UGGT2: variants seen among roughly 807,000 people sequenced by gnomAD.
UGGT2 encodes UDP-glucose:glycoprotein glucosyltransferase 2.
In UGGT2, 180 loss-of-function variants were observed where a neutral mutation model predicts 192.1. That is an observed-to-expected ratio of 0.94 (90% CI 0.83 to 1.06). The LOEUF is 1.06. UGGT2 is among the 50% of genes least tolerant of loss of function. The pLI, the probability that UGGT2 is intolerant of heterozygous loss-of-function variation, is 0.00. For missense variants in UGGT2, 1,849 were observed against 1,795.7 expected (o/e 1.03, Z -0.54); for synonymous variants, 580 against 591.0 (o/e 0.98, Z 0.27).
rs1043781589 is a variant in UGGT2 at position 95,989,890 on chromosome 13, A to G, written c.931+83T>C. ...ATTAATACTGTCCATAAAATAATCT[A>G]TATCATGTGATATATAAAAGCTTAT... is the stretch of plus-strand genomic sequence containing the variant. On this transcript the variant is annotated intron_variant, in intron 8 of 38. Transcript: ENST00000376747. 16 of 842,824 alleles carry G rather than the reference A, an allele frequency of 1.9e-5. No individual in the cohort carries two copies. The East Asian group carries it at 2.1e-4, about 11-fold the overall frequency. The allele number at this position is 842,824 out of a possible 1,614,324, so 52.2% of individuals were successfully genotyped here.
chr13:95,939,870 T>G (rs2049604808), intron 16 of UGGT2, 87 bp downstream of exon 16: 2 of 1,167,594 alleles, frequency 1.7e-6, no homozygotes. Context: ...GTCTGACTTT[T>G]TTTAAAGATT....
At chr13:95,907,386 C>T (rs1364044209) in intron 20 of UGGT2, among the ~76,000 whole-genome samples, 1 of 152,204 alleles carries the variant, frequency 6.6e-6, no homozygotes, top group East Asian at 1.9e-4. Flanking sequence ...CCTTGTCTGA[C>T]AGCTCTGAAG....
At chr13:96,024,789 A>C (rs1008494496) in intron 2 of UGGT2, among the ~76,000 whole-genome samples, 1 of 152,242 alleles carries the variant, frequency 6.6e-6, no homozygotes. Context: ...TGTGAAAGGG[A>C]TAACAAGAAG....
intron 36 of UGGT2, among the ~76,000 whole-genome samples, chr13:95,843,096 G>T (rs1334491634): frequency 6.6e-6 from 1 of 152,192 alleles, no homozygotes; most frequent in African/African-American, 2.4e-5. Context: ...ACAAGCATTT[G>T]TGTGGCCAGG....
intron 20 of UGGT2, among the ~76,000 whole-genome samples, chr13:95,916,792 GA>G (rs2048694631): frequency 6.6e-6 from 1 of 151,834 alleles, no homozygotes; most frequent in Non-Finnish European, 1.5e-5. Flanking sequence ...CCAAGCAGAG[GA>G]AAAAATTTCA....
chr13:96,014,709 G>A (rs576318665), intron 4 of UGGT2, among the ~76,000 whole-genome samples: 3 of 152,084 alleles, frequency 2.0e-5, no homozygotes. Flanking sequence ...TTCATGAGAG[G>A]CTATTAATAA....
intron 5 of UGGT2, among the ~76,000 whole-genome samples, chr13:96,009,962 A>G (rs765229908): frequency 6.6e-6 from 1 of 152,218 alleles, no homozygotes; most frequent in Non-Finnish European, 1.5e-5. Flanking sequence ...TGTATCAGTC[A>G]GAATGGCTAC....
At chr13:95,973,412 T>A (rs1315770785) in intron 10 of UGGT2, among the ~76,000 whole-genome samples, 1 of 152,182 alleles carries the variant, frequency 6.6e-6, no homozygotes, top group Non-Finnish European at 1.5e-5. Flanking sequence ...TCATATAGTG[T>A]GTGTATGTGT....
At chr13:95,893,642 C>T (rs1390591048) in intron 24 of UGGT2, among the ~76,000 whole-genome samples, 1 of 152,052 alleles carries the variant, frequency 6.6e-6, no homozygotes, top group East Asian at 1.9e-4. Context: ...TTATTATCTC[C>T]CTTGATAGGA....
chr13:95,832,521 A>T (rs1886820298), intron 38 of UGGT2, among the ~76,000 whole-genome samples: 1 of 152,090 alleles, frequency 6.6e-6, no homozygotes, highest in African/African-American at 2.4e-5. Flanking sequence ...TATATATGAG[A>T]TTAATTTTGG....
intron 27 of UGGT2, among the ~76,000 whole-genome samples, chr13:95,884,248 T>C (rs768374963): frequency 4.6e-5 from 7 of 151,854 alleles, no homozygotes; most frequent in Non-Finnish European, 1.0e-4. Flanking sequence ...GCTAGTAGTC[T>C]CAGGCAAAAA....
At chr13:96,044,120 A>G (rs887724078) in intron 1 of UGGT2, among the ~76,000 whole-genome samples, 28 of 152,218 alleles carry the variant, frequency 1.8e-4, no homozygotes, top group Admixed American at 8.5e-4. Flanking sequence ...ATAGGCCACA[A>G]ATCAAACCTC....
chr13:95,837,170 G>A lies in UGGT2; in HGVS notation c.4317C>T (p.Ala1439=), dbSNP rs1887381936. 2.5e-6 allele frequency: 4 copies of A among 1,613,906 alleles called. No individual in the cohort carries two copies. In the East Asian group the frequency reaches 6.7e-5, roughly 27 times the overall value. Reference sequence around the variant, plus strand: ...GCCAGTCTTGAGGAAGAGACTTAATGGCGACTTGGTAAATCATATTATTGG... The same window carrying A: ...GCCAGTCTTGAGGAAGAGACTTAATAGCGACTTGGTAAATCATATTATTGG... ...DLPNNMIYQV[A]IKSLPQDWLW... The change falls in exon 37 of 39, where the codon GCC becomes GCT. Residue 1439 remains alanine, a synonymous_variant. Coordinates refer to ENST00000376747, the MANE Select transcript of UGGT2 (RefSeq NM_020121.4).
intron 5 of UGGT2, among the ~76,000 whole-genome samples, chr13:96,000,181 G>T (rs931092034): frequency 1.6e-4 from 24 of 152,204 alleles, no homozygotes; most frequent in African/African-American, 5.1e-4. Context: ...CTCCCTGGAA[G>T]AAGCCATGTG....
chr13:95,877,117 T>C (rs2140160767), intron 29 of UGGT2, 162 bp downstream of exon 29: 3 of 494,068 alleles, frequency 6.1e-6, no homozygotes, highest in Non-Finnish European at 1.0e-5. Context: ...CTCCTGGCCT[T>C]GTGATCTGCC....
intron 22 of UGGT2, among the ~76,000 whole-genome samples, chr13:95,900,089 A>C (rs1188201274): frequency 6.6e-6 from 1 of 152,152 alleles, no homozygotes; most frequent in Non-Finnish European, 1.5e-5. Flanking sequence ...TATCATATTA[A>C]AAATATTAGT....
intron 38 of UGGT2, among the ~76,000 whole-genome samples, chr13:95,813,487 C>T (rs1226180011): frequency 6.6e-6 from 1 of 152,118 alleles, no homozygotes; most frequent in Non-Finnish European, 1.5e-5. Context: ...TAATATGTGT[C>T]CTGGCTGTTT....
chr13:96,036,304 C>G (rs924702177), intron 1 of UGGT2, among the ~76,000 whole-genome samples: 1 of 152,126 alleles, frequency 6.6e-6, no homozygotes, highest in African/African-American at 2.4e-5. Context: ...AATGCAGAGA[C>G]AGAAACCCAA....
chr13:96,013,546 T>C (rs2052233930), intron 4 of UGGT2, 65 bp from the exon 5 acceptor site: 11 of 1,089,554 alleles, frequency 1.0e-5, no homozygotes, highest in Non-Finnish European at 1.4e-5. Context: ...CAATTCTGTA[T>C]AATTACTGCT....
Sources: gnomAD v4.1 joint callset for allele counts (sites outside exome capture counted in the v4.1 genomes callset) on GRCh38, gnomAD v4.1.1 for gene constraint, MANE v1.5 for transcripts, NCBI Gene and HGNC (gene_info 2026-07-23, HGNC 2026-07-21) for gene names.